The following STAG1 variants were observed in gnomAD, a reference collection of about 807,000 sequenced individuals.
The protein encoded by STAG1 is cohesin subunit SA-1.
STAG1 carries 26 observed loss-of-function variants against 170.9 expected under a neutral mutation model. The ratio of observed to expected loss-of-function variants is 0.15; its 90% CI spans 0.11 to 0.21. The LOEUF is 0.21. STAG1 is among the 10% of genes least tolerant of loss of function. The pLI is 1.00. For synonymous variants in STAG1, 514 were observed against 497.7 expected (o/e 1.03, Z -0.44); for missense variants, 964 against 1,509.5 (o/e 0.64, Z 5.99).
chr3:136,743,659 T>G (rs1934792905), intron 1 of STAG1, among the ~76,000 whole-genome samples: 1 of 152,048 alleles, frequency 6.6e-6, no homozygotes. Flanking sequence ...ACTGGTACAT[T>G]CTAAAATTCA....
chr3:136,492,134 A>C (rs929420389), intron 9 of STAG1, among the ~76,000 whole-genome samples: 1 of 152,212 alleles, frequency 6.6e-6, no homozygotes, highest in African/African-American at 2.4e-5. Context: ...ATCTCCTATT[A>C]ATCAATAATG....
At chr3:136,750,032 A>AGCACTGAGATTATGAACAT (rs1440303598) in intron 1 of STAG1, among the ~76,000 whole-genome samples, 8 of 152,204 alleles carry the variant, frequency 5.3e-5, no homozygotes, top group African/African-American at 1.2e-4. Flanking sequence ...TTCTTCTCAC[A>AGCACTGAGATTATGAACAT]GCACTGAGAT....
intron 5 of STAG1, among the ~76,000 whole-genome samples, chr3:136,563,462 T>A (rs556765436): frequency 7.9e-5 from 12 of 152,180 alleles, no homozygotes; most frequent in African/African-American, 2.9e-4. Flanking sequence ...TAAAACTATA[T>A]TCAAATTCAG....
At chr3:136,506,739 G>T (rs1377395491) in intron 7 of STAG1, among the ~76,000 whole-genome samples, 1 of 151,934 alleles carries the variant, frequency 6.6e-6, no homozygotes, top group East Asian at 1.9e-4. Context: ...AAATGGAAAG[G>T]GCAAAGATAA....
intron 5 of STAG1, among the ~76,000 whole-genome samples, chr3:136,546,599 A>G (rs1485640144): frequency 6.6e-6 from 1 of 152,212 alleles, no homozygotes; most frequent in Non-Finnish European, 1.5e-5. Context: ...TAGAAAACAG[A>G]GAGTAGAAAA....
chr3:136,691,196 G>A (rs1363783896), intron 1 of STAG1, among the ~76,000 whole-genome samples: 4 of 151,986 alleles, frequency 2.6e-5, no homozygotes, highest in Admixed American at 2.6e-4. Flanking sequence ...AGCACTTTGG[G>A]AGGCCAAGGC....
chr3:136,539,616 A>C (rs1935796581), intron 6 of STAG1, among the ~76,000 whole-genome samples: 1 of 152,232 alleles, frequency 6.6e-6, no homozygotes, highest in Non-Finnish European at 1.5e-5. Flanking sequence ...TGTGGGGAAG[A>C]AATATCAATT....
At chr3:136,690,012 C>T (rs112905216) in intron 1 of STAG1, among the ~76,000 whole-genome samples, 95 of 146,196 alleles carry the variant, frequency 6.5e-4, no homozygotes, top group African/African-American at 2.4e-3. Context: ...CGCACTCTAC[C>T]CTGAGCAACA....
At chr3:136,617,381 A>G (rs1172505218) in intron 3 of STAG1, among the ~76,000 whole-genome samples, 1 of 152,164 alleles carries the variant, frequency 6.6e-6, no homozygotes, top group Non-Finnish European at 1.5e-5. Context: ...TTTAGGCTGG[A>G]TGTTGGTAGT....
At chr3:136,487,582 C>T (rs944586228) in intron 9 of STAG1, among the ~76,000 whole-genome samples, 2 of 152,164 alleles carry the variant, frequency 1.3e-5, no homozygotes, top group Non-Finnish European at 2.9e-5. Context: ...CCCTGGGTAA[C>T]TTGTCTCCTC....
At chr3:136,649,240 A>T (rs1323338996) in intron 1 of STAG1, among the ~76,000 whole-genome samples, 1 of 151,956 alleles carries the variant, frequency 6.6e-6, no homozygotes, top group Non-Finnish European at 1.5e-5. Flanking sequence ...CCACTTTGGG[A>T]GGCTGAGGTG....
chr3:136,397,178 C>T (rs910242105), intron 22 of STAG1, among the ~76,000 whole-genome samples: 2 of 152,064 alleles, frequency 1.3e-5, no homozygotes, highest in African/African-American at 4.8e-5. Context: ...CAAATGTTTA[C>T]TTCTTAGTCA....
intron 1 of STAG1, among the ~76,000 whole-genome samples, chr3:136,657,188 T>TC (rs1941409797): frequency 9.2e-6 from 1 of 108,762 alleles, no homozygotes; most frequent in Non-Finnish European, 1.8e-5. Flanking sequence ...TTTCTTTCTT[T>TC]CTTTTTTTTT....
At chr3:136,350,916 G>C (rs1936411488) in intron 28 of STAG1, among the ~76,000 whole-genome samples, 2 of 152,140 alleles carry the variant, frequency 1.3e-5, no homozygotes, top group African/African-American at 4.8e-5. Context: ...GTTCAACAGA[G>C]AAAACCAGAG....
rs1480724114 is a variant in STAG1, at chr3:136,400,066, G to A, written c.2197-1237C>T. Among the ~76,000 whole-genome samples the A allele has an allele frequency of 1.1e-4, 17 of 151,800 alleles. 1 individual carries two copies. Among genetic ancestry groups the A allele is most frequent in the Admixed American group, 1.1e-3 (17 of 15,216 alleles). Reference sequence around the variant, plus strand: ...GCCTCCCAAATAGCTGGGACTACAGGTATGCACCACCACATCTGGTTAATT... The same window carrying A: ...GCCTCCCAAATAGCTGGGACTACAGATATGCACCACCACATCTGGTTAATT... On this transcript the variant is annotated intron_variant, in intron 21 of 33. Transcript: ENST00000383202.
At chr3:136,716,547 G>C (rs752155457) in intron 1 of STAG1, among the ~76,000 whole-genome samples, 1 of 152,232 alleles carries the variant, frequency 6.6e-6, no homozygotes, top group Non-Finnish European at 1.5e-5. Flanking sequence ...TTGGGAAGCT[G>C]AGGCAGGAGG....
chr3:136,442,395 A>G (rs1295297588), intron 15 of STAG1, among the ~76,000 whole-genome samples: 3 of 152,264 alleles, frequency 2.0e-5, no homozygotes, highest in Non-Finnish European at 4.4e-5. Context: ...CTAACGAACG[A>G]ATATGCGTAT....
intron 4 of STAG1, among the ~76,000 whole-genome samples, chr3:136,574,028 G>A (rs562561464): frequency 1.3e-5 from 2 of 151,890 alleles, no homozygotes; most frequent in African/African-American, 4.8e-5. Flanking sequence ...GGATCAACAG[G>A]GCAGGAGATC....
rs1251948444 is a variant in STAG1, at chr3:136,338,303, T to TA, written c.3754-27dup. The TA allele has an allele frequency of 2.2e-6, 3 of 1,339,822 alleles. No individual in the cohort carries two copies. In the African/African-American group the frequency reaches 4.6e-5, roughly 20 times the overall value. 83.0% of individuals were successfully genotyped at this position (1,339,822 alleles called of 1,614,324 possible). ...CTAGAAAAATGATGAGAAACATAAT[T>TA]ATTAATTTCATGCATAAACAGGACC... On this transcript the variant is annotated intron_variant, in intron 33 of 33. Coordinates refer to ENST00000383202, the MANE Select transcript of STAG1 (RefSeq NM_005862.3).
Sources: gnomAD v4.1 joint callset for allele counts (sites outside exome capture counted in the v4.1 genomes callset) on GRCh38, gnomAD v4.1.1 for gene constraint, MANE v1.5 for transcripts, NCBI Gene and HGNC (gene_info 2026-07-23, HGNC 2026-07-21) for gene names.